OR8B2: variants seen among roughly 807,000 people sequenced by gnomAD.
OR8B2 encodes olfactory receptor 8B2.
For synonymous variants in OR8B2, 98 were observed against 138.2 expected (o/e 0.71, Z 2.04); for missense variants, 304 against 379.6 (o/e 0.80, Z 1.65).
upstream of OR8B2, among the ~76,000 whole-genome samples, chr11:124,386,452 C>T (rs924033198): frequency 1.4e-5 from 2 of 138,720 alleles, no homozygotes; most frequent in African/African-American, 5.5e-5. Context: ...GTTCCCCTTC[C>T]TGTGTCCATG....
At chr11:124,394,533 G>T in the OR8B2 span, among the ~76,000 whole-genome samples, 8 of 152,144 alleles carry the variant, frequency 5.3e-5, no homozygotes, top group African/African-American at 1.7e-4. Context: ...AAAAGTCTTG[G>T]TCAGGAGGAT....
upstream of OR8B2, among the ~76,000 whole-genome samples, chr11:124,385,593 G>C (rs1300812277): frequency 6.7e-6 from 1 of 149,676 alleles, no homozygotes; most frequent in Non-Finnish European, 1.5e-5. Flanking sequence ...CCTAAGTCAG[G>C]ATACAGAATT....
At chr11:124,392,843 A>C in the OR8B2 span, among the ~76,000 whole-genome samples, 1 of 150,526 alleles carries the variant, frequency 6.6e-6, no homozygotes, top group Non-Finnish European at 1.5e-5. Context: ...TGGAGGCATC[A>C]CGCTACCTGA....
At chr11:124,396,803 G>C in the OR8B2 span, 3 of 1,610,742 alleles carry the variant, frequency 1.9e-6, no homozygotes, top group Non-Finnish European at 2.5e-6. Flanking sequence ...GCTGGAGGAG[G>C]GGGAGTATGT....
At chr11:124,385,773 G>A (rs1212506917), upstream of OR8B2, among the ~76,000 whole-genome samples, 1 of 151,682 alleles carries the variant, frequency 6.6e-6, no homozygotes, top group Non-Finnish European at 1.5e-5. Context: ...TGGCACTACA[G>A]GCACATGCCA....
chr11:124,396,147 G>C, the OR8B2 span: 1 of 358,808 alleles, frequency 2.8e-6, no homozygotes, highest in South Asian at 5.4e-5. Context: ...GCCCAGGAGA[G>C]AGGAAGGATA....
At chr11:124,385,612 T>C (rs980792285), upstream of OR8B2, among the ~76,000 whole-genome samples, 3 of 129,140 alleles carry the variant, frequency 2.3e-5, no homozygotes, top group African/African-American at 9.4e-5. Context: ...TTCTTTCTTT[T>C]TTTTCTTTTT....
chr11:124,393,926 T>TA, the OR8B2 span, among the ~76,000 whole-genome samples: 1 of 150,858 alleles, frequency 6.6e-6, no homozygotes. Flanking sequence ...TATGCAGCCA[T>TA]AAAAAATGAT....
chr11:124,395,028 A>C, the OR8B2 span, among the ~76,000 whole-genome samples: 1 of 152,186 alleles, frequency 6.6e-6, no homozygotes, highest in African/African-American at 2.4e-5. Flanking sequence ...TTTAAAAAGT[A>C]GGGAGGCATG....
chr11:124,385,520 GTGTC>G (rs889808479), upstream of OR8B2, among the ~76,000 whole-genome samples: 22 of 147,010 alleles, frequency 1.5e-4, no homozygotes, highest in African/African-American at 4.5e-4. Flanking sequence ...GTGTGTGTGT[GTGTC>G]TGTGTGTGTG....
chr11:124,382,694 G>A lies in OR8B2; in HGVS notation c.650C>T (p.Ser217Phe), dbSNP rs1193381218. The A allele has an allele frequency of 1.9e-6, 3 of 1,613,850 alleles. No individual in the cohort carries two copies. Among genetic ancestry groups the A allele is most frequent in the Non-Finnish European group, 2.5e-6 (3 of 1,179,838 alleles). The change falls in exon 2 of 2, where the codon TCT (serine) becomes TTT (phenylalanine). Residue 217 changes from serine to phenylalanine, a missense_variant. Physicochemically the swap from Ser to Phe is radical, Grantham distance 155. Coordinates refer to ENST00000641451, the MANE Select transcript of OR8B2 (RefSeq NM_001005468.2). ...ITVPSCTILISYVFIVTSILH... is the reference protein window; with the variant it reads ...ITVPSCTILIFYVFIVTSILH... The stretch of plus-strand genomic sequence containing the variant: ...AATGCTAGTGACAATGAAAACATAA[G>A]AAATGAGGATGGTACAACTGGGTAC...
At chr11:124,390,294 T>C in the OR8B2 span, among the ~76,000 whole-genome samples, 2 of 152,208 alleles carry the variant, frequency 1.3e-5, no homozygotes, top group African/African-American at 4.8e-5. Flanking sequence ...ACTATACTTC[T>C]AAGAGATTAC....
chr11:124,389,783 T>TA, the OR8B2 span, among the ~76,000 whole-genome samples: 1 of 152,016 alleles, frequency 6.6e-6, no homozygotes, highest in South Asian at 2.1e-4. Context: ...AGAGAGTCCA[T>TA]AAAAATCACA....
chr11:124,386,867 C>A (rs376733439), upstream of OR8B2, among the ~76,000 whole-genome samples: 2 of 150,374 alleles, frequency 1.3e-5, no homozygotes, highest in East Asian at 3.9e-4. Flanking sequence ...AGTTTACAGT[C>A]CCACCAACAG....
chr11:124,393,426 A>G, the OR8B2 span, among the ~76,000 whole-genome samples: 1 of 147,146 alleles, frequency 6.8e-6, no homozygotes, highest in Non-Finnish European at 1.5e-5. Context: ...GAAAAAAACA[A>G]ACAACCCCAT....
chr11:124,393,729 A>G, the OR8B2 span, among the ~76,000 whole-genome samples: 2 of 152,132 alleles, frequency 1.3e-5, no homozygotes, highest in Non-Finnish European at 1.5e-5. Flanking sequence ...TAGAAATACC[A>G]TTTGACCCAG....
At position 124,382,573 on chromosome 11, in the gene OR8B2, G is replaced by A. The variant is rs774728733; in HGVS notation, c.771C>T (p.Phe257=). 4.3e-5 allele frequency: 69 copies of A among 1,613,006 alleles called. No homozygotes were observed. The highest frequency in any genetic ancestry group is 5.5e-5 in the Non-Finnish European group (65 of 1,179,562). Reference sequence around the variant, plus strand: ...ATCCAGAAGAATATTTAATATACATGAATGCCGCTGACCCAAAAAACAGAG... The same window carrying A: ...ATCCAGAAGAATATTTAATATACATAAATGCCGCTGACCCAAAAAACAGAG... ...ALSLFFGSAA[F]MYIKYSSGSM... Residue 257 remains phenylalanine, a synonymous_variant, in exon 2 of 2, where the codon TTC becomes TTT. Coordinates refer to ENST00000641451, the MANE Select transcript of OR8B2 (RefSeq NM_001005468.2).
chr11:124,383,025 A>G lies in OR8B2; in HGVS notation c.319T>C (p.Phe107Leu). Residue 107 changes from phenylalanine to leucine, a missense_variant, in exon 2 of 2, where the codon TTC becomes CTC. Physicochemically the swap from Phe to Leu is conservative, Grantham distance 22. Coordinates refer to ENST00000641451, the MANE Select transcript of OR8B2 (RefSeq NM_001005468.2). ...CMTRLFFFLF[F>L]VISECYMLTS... ...AACATGTAACATTCAGAGATGACGA[A>G]AAAGAGAAAGAAAAACAGCCGAGTC... 6.2e-7 allele frequency: 1 copy of G among 1,613,890 alleles called. No individual in the cohort carries two copies. The highest frequency in any genetic ancestry group is 8.5e-7 in the Non-Finnish European group (1 of 1,179,854).
At chr11:124,394,366 A>G in the OR8B2 span, among the ~76,000 whole-genome samples, 1 of 152,178 alleles carries the variant, frequency 6.6e-6, no homozygotes, top group Non-Finnish European at 1.5e-5. Context: ...TAGACTTGCA[A>G]CACATTTTTT....
Sources: gnomAD v4.1 joint callset for allele counts (sites outside exome capture counted in the v4.1 genomes callset) on GRCh38, gnomAD v4.1.1 for gene constraint, MANE v1.5 for transcripts, NCBI Gene and HGNC (gene_info 2026-07-23, HGNC 2026-07-21) for gene names.